The following TTC6 variants were observed in gnomAD, a reference collection of about 807,000 sequenced individuals.
TTC6 encodes tetratricopeptide repeat protein 6.
Under a neutral mutation model 210.4 loss-of-function variants are expected in TTC6, and 172 were observed. The observed-to-expected ratio is 0.82, with a 90% confidence interval of 0.72 to 0.93. The LOEUF (loss-of-function observed/expected upper bound fraction) is 0.93. Among genes scored for constraint, TTC6 ranks in the 40% least tolerant of loss-of-function variants. TTC6 has a pLI of 0.00. For synonymous variants in TTC6, 804 were observed against 819.6 expected (o/e 0.98, Z 0.32); for missense variants, 2,414 against 2,318.1 (o/e 1.04, Z -0.85).
chr14:37,650,633 TG>T (rs1178597232), intron 1 of TTC6, among the ~76,000 whole-genome samples: 8 of 152,342 alleles, frequency 5.3e-5, no homozygotes, highest in Non-Finnish European at 1.0e-4. Flanking sequence ...GCTTACATCC[TG>T]CTTCTTGTCT....
chr14:37,670,264 C>T (rs1180354729), intron 1 of TTC6, among the ~76,000 whole-genome samples: 1 of 152,000 alleles, frequency 6.6e-6, no homozygotes, highest in African/African-American at 2.4e-5. Flanking sequence ...TCTGTAATTC[C>T]ATAGTTTTCA....
chr14:37,652,832 A>G (rs954655557), intron 1 of TTC6, among the ~76,000 whole-genome samples: 14 of 152,148 alleles, frequency 9.2e-5, no homozygotes, highest in African/African-American at 2.9e-4. Context: ...GCACTTTCCT[A>G]GCTTCCCAAC....
At chr14:37,686,058 A>T (rs2095793103) in intron 3 of TTC6, among the ~76,000 whole-genome samples, 1 of 152,176 alleles carries the variant, frequency 6.6e-6, no homozygotes, top group African/African-American at 2.4e-5. Context: ...TGAATATCAT[A>T]AAAATGTTAG....
At chr14:37,599,900 CGAGTTACT>C (rs2095612263) in intron 1 of TTC6, among the ~76,000 whole-genome samples, 1 of 152,122 alleles carries the variant, frequency 6.6e-6, no homozygotes, top group Non-Finnish European at 1.5e-5. Flanking sequence ...TTGTGGCCCC[CGAGTTACT>C]GACTTTTGTT....
intron 1 of TTC6, among the ~76,000 whole-genome samples, chr14:37,632,880 C>T (rs187084563): frequency 3.3e-5 from 5 of 152,276 alleles, no homozygotes; most frequent in South Asian, 2.1e-4. Context: ...CTGCCCAGTT[C>T]GAACTTCCAG....
chr14:37,714,821 T>G (rs1257667146), intron 6 of TTC6, 25 bp downstream of exon 8: 2 of 1,527,710 alleles, frequency 1.3e-6, no homozygotes, highest in South Asian at 1.2e-5. Flanking sequence ...TAATATTAGT[T>G]TTTTTGTACC....
chr14:37,756,291 C>G (rs536517092), intron 14 of TTC6, among the ~76,000 whole-genome samples: 1 of 152,278 alleles, frequency 6.6e-6, no homozygotes, highest in Admixed American at 6.5e-5. Flanking sequence ...ATGTCGTCTG[C>G]AAACAGAGAT....
At chr14:37,599,088 C>G (rs1195102383) in intron 1 of TTC6, among the ~76,000 whole-genome samples, 2 of 152,198 alleles carry the variant, frequency 1.3e-5, no homozygotes, top group Non-Finnish European at 2.9e-5. Context: ...ACGCTGGAAA[C>G]AAGGGGTCAC....
chr14:37,830,813 C>T (rs1172376512), intron 29 of TTC6, among the ~76,000 whole-genome samples: 2 of 151,596 alleles, frequency 1.3e-5, no homozygotes, highest in Admixed American at 6.6e-5. Flanking sequence ...TTTATTGATA[C>T]ATACTAATTG....
In TTC6 at chr14:37,721,084, GAA is replaced by G. The variant is rs71127232; in HGVS notation, c.1714-3803_1714-3802del. On this transcript the variant is annotated intron_variant, in intron 6 of 30. Transcript: ENST00000553443. The stretch of plus-strand genomic sequence containing the variant: ...TAAAGAAATTATGGTCAGTGGAACA[GAA>G]AAAAAAAAAAGAAAAATAAGAAAAA... Among the ~76,000 whole-genome samples, 2 of 120,398 alleles carry G rather than the reference GAA, an allele frequency of 1.7e-5. 1 individual carries two copies. The highest frequency in any genetic ancestry group is 5.9e-5 in the African/African-American group (2 of 34,138). 79.0% of individuals were successfully genotyped at this position (120,398 alleles called of 152,430 possible).
chr14:37,656,258 T>C (rs539211402), intron 1 of TTC6, among the ~76,000 whole-genome samples: 62 of 152,296 alleles, frequency 4.1e-4, no homozygotes, highest in African/African-American at 1.4e-3. Flanking sequence ...TCCCAAAAAC[T>C]ACAGACATAA....
At chr14:37,826,545 C>T (rs1418339446) in intron 28 of TTC6, among the ~76,000 whole-genome samples, 198 bp downstream of exon 30, 2 of 151,826 alleles carry the variant, frequency 1.3e-5, no homozygotes, top group Admixed American at 1.3e-4. Context: ...CACTAAAACC[C>T]CAAAGTTCTG....
intron 22 of TTC6, among the ~76,000 whole-genome samples, chr14:37,806,924 T>C (rs2096119637): frequency 1.3e-5 from 2 of 152,216 alleles, no homozygotes; most frequent in Non-Finnish European, 2.9e-5. Flanking sequence ...GGTCTAAGTG[T>C]TAAATTATTT....
At chr14:37,681,792 A>C (rs533033586) in intron 2 of TTC6, among the ~76,000 whole-genome samples, 2 of 152,250 alleles carry the variant, frequency 1.3e-5, no homozygotes, top group East Asian at 3.9e-4. Flanking sequence ...CCGAGTCACT[A>C]TTGGCTTCTT....
chr14:37,630,804 T>C (rs1352140027), intron 1 of TTC6, among the ~76,000 whole-genome samples: 1 of 152,110 alleles, frequency 6.6e-6, no homozygotes, highest in Admixed American at 6.6e-5. Context: ...TTAGCTCTTC[T>C]TGTTGCATTG....
chr14:37,749,564 A>G (rs1275636311), intron 11 of TTC6, 150 bp from the exon 14 acceptor site: 5 of 1,027,148 alleles, frequency 4.9e-6, no homozygotes, highest in African/African-American at 1.7e-5. Context: ...AATATTAAAA[A>G]CATGATTTTT....
chr14:37,745,025 CACAT>C (rs1287239665), intron 10 of TTC6, among the ~76,000 whole-genome samples: 2 of 152,060 alleles, frequency 1.3e-5, no homozygotes, highest in Non-Finnish European at 2.9e-5. Flanking sequence ...CCCACACACA[CACAT>C]ATACACACGT....
intron 26 of TTC6, 73 bp from the exon 29 acceptor site, chr14:37,823,674 T>C: frequency 3.0e-6 from 4 of 1,339,552 alleles, no homozygotes; most frequent in Non-Finnish European, 3.1e-6. Context: ...AAGTCAGTTA[T>C]AGGAAAACAT....
At chr14:37,737,952 A>C (rs2095906488) in intron 9 of TTC6, among the ~76,000 whole-genome samples, 1 of 151,946 alleles carries the variant, frequency 6.6e-6, no homozygotes, top group Admixed American at 6.6e-5. Context: ...AAAGTACATA[A>C]CTGGCTTGTA....
Sources: allele counts gnomAD v4.1 joint callset (sites outside exome capture counted in the v4.1 genomes callset), GRCh38; gene constraint gnomAD v4.1.1; transcripts MANE v1.5; gene names NCBI Gene and HGNC (gene_info 2026-07-23, HGNC 2026-07-21).